TTC17: variants seen among roughly 807,000 people sequenced by gnomAD.
TTC17 encodes tetratricopeptide repeat protein 17.
A neutral mutation model predicts 143.8 loss-of-function variants in TTC17; 58 were observed. The observed-to-expected ratio is 0.40, with a 90% CI of 0.33 to 0.50. TTC17 has a LOEUF of 0.50. Among genes scored for constraint, TTC17 ranks in the 20% least tolerant of loss-of-function variants. The pLI, the probability that TTC17 is intolerant of heterozygous loss-of-function variation, is 0.49. For synonymous variants in TTC17, 501 were observed against 497.8 expected (o/e 1.01, Z -0.09); for missense variants, 1,273 against 1,392.5 (o/e 0.91, Z 1.37).
At chr11:43,425,341 T>A (rs182466977) in intron 16 of TTC17, among the ~76,000 whole-genome samples, 189 of 152,288 alleles carry the variant, frequency 1.2e-3, no homozygotes, top group African/African-American at 4.3e-3. Flanking sequence ...AATTTTTTTT[T>A]AATTATTCTA....
At position 43,405,916 on chromosome 11, in the gene TTC17, C is replaced by G; in HGVS notation, c.1726C>G (p.Leu576Val). Reference sequence around the variant, plus strand: ...CAAAGAATTAGAGGTTCGCATGGATCTGAAAGCCAAAATGCCAGATGACCA... The same window carrying G: ...CAAAGAATTAGAGGTTCGCATGGATGTGAAAGCCAAAATGCCAGATGACCA... ...LVKELEVRMD[L>V]KAKMPDDHAR... The change falls in exon 13 of 24, where the codon CTG (leucine) becomes GTG (valine). Residue 576 changes from leucine to valine, a missense_variant. By Grantham distance (32) the Leu-to-Val change is conservative. This residue lies in a region of TTC17 where 878 missense variants were observed against 899.8 expected (regional missense o/e 0.98). Coordinates refer to ENST00000039989, the MANE Select transcript of TTC17 (RefSeq NM_018259.6). 1 of 1,613,416 alleles carries G rather than the reference C, an allele frequency of 6.2e-7. No individual in the cohort carries two copies. The highest frequency in any genetic ancestry group is 8.5e-7 in the Non-Finnish European group (1 of 1,179,808).
intron 18 of TTC17, chr11:43,446,664 TCAAA>T (rs1475819517): frequency 8.1e-6 from 8 of 985,186 alleles, no homozygotes; most frequent in African/African-American, 5.2e-5. Context: ...TGCCTGTACC[TCAAA>T]CAGTTTTCTA....
chr11:43,493,103 T>C (rs1948500725), intron 23 of TTC17, among the ~76,000 whole-genome samples: 1 of 152,228 alleles, frequency 6.6e-6, no homozygotes, highest in African/African-American at 2.4e-5. Flanking sequence ...AGTTTGCTAC[T>C]ATGAACGAGG....
At chr11:43,465,847 A>G (rs1309846876) in intron 21 of TTC17, among the ~76,000 whole-genome samples, 1 of 147,978 alleles carries the variant, frequency 6.8e-6, no homozygotes, top group African/African-American at 2.7e-5. Flanking sequence ...GGAAGAAAAC[A>G]GAGGAAAAAA....
At chr11:43,371,561 G>C (rs1165922800) in intron 1 of TTC17, among the ~76,000 whole-genome samples, 1 of 152,202 alleles carries the variant, frequency 6.6e-6, no homozygotes. Flanking sequence ...TGGCTCTCCG[G>C]AATCTCCTGA....
intron 4 of TTC17, 72 bp from the exon 5 acceptor site, chr11:43,391,749 T>TA: frequency 6.4e-7 from 1 of 1,556,996 alleles, no homozygotes; most frequent in Non-Finnish European, 8.7e-7. Context: ...AAATAAACAC[T>TA]ACAAGATACT....
At chr11:43,374,186 T>C (rs1398598003) in intron 1 of TTC17, among the ~76,000 whole-genome samples, 1 of 152,172 alleles carries the variant, frequency 6.6e-6, no homozygotes, top group African/African-American at 2.4e-5. Flanking sequence ...GCACTCCCTA[T>C]TCAATAAATG....
intron 1 of TTC17, among the ~76,000 whole-genome samples, chr11:43,362,388 T>A (rs1856152806): frequency 6.6e-6 from 1 of 152,176 alleles, no homozygotes; most frequent in African/African-American, 2.4e-5. Flanking sequence ...TTTTTTATAT[T>A]TCAAGGTTTA....
chr11:43,457,519 T>C (rs1006625068), intron 21 of TTC17, among the ~76,000 whole-genome samples: 1 of 152,004 alleles, frequency 6.6e-6, no homozygotes, highest in Non-Finnish European at 1.5e-5. Context: ...AATAGAGATA[T>C]TATACTCAGT....
chr11:43,440,802 T>C (rs1947400513), intron 16 of TTC17, among the ~76,000 whole-genome samples: 1 of 152,196 alleles, frequency 6.6e-6, no homozygotes, highest in Admixed American at 6.5e-5. Flanking sequence ...TTCCCACACA[T>C]TTGTAACATC....
At chr11:43,485,374 A>G (rs1311332473) in intron 21 of TTC17, among the ~76,000 whole-genome samples, 1 of 152,244 alleles carries the variant, frequency 6.6e-6, no homozygotes, top group African/African-American at 2.4e-5. Context: ...TAAGGGCTCA[A>G]GTATCAAAAA....
At chr11:43,386,421 A>G (rs914039751) in intron 2 of TTC17, among the ~76,000 whole-genome samples, 10 of 152,244 alleles carry the variant, frequency 6.6e-5, no homozygotes, top group African/African-American at 2.4e-5. Flanking sequence ...AAGTATTTGT[A>G]TAACTAAGCA....
At chr11:43,386,768 C>CGTAT (rs545667345) in intron 2 of TTC17, among the ~76,000 whole-genome samples, 57 of 150,390 alleles carry the variant, frequency 3.8e-4, no homozygotes, top group South Asian at 3.6e-3. Context: ...TAATTTCTTA[C>CGTAT]GTATGTATGT....
In TTC17 at chr11:43,444,086, C is replaced by T. The variant is rs1268134108; in HGVS notation, c.2542C>T (p.Pro848Ser). The T allele has an allele frequency of 1.9e-6, 3 of 1,612,706 alleles. No individual in the cohort carries two copies. Among genetic ancestry groups the T allele is most frequent in the Non-Finnish European group, 2.5e-6 (3 of 1,179,534 alleles). The change falls in exon 18 of 24, where the codon CCC (proline) becomes TCC (serine). Residue 848 changes from proline (P) to serine (S), a missense_variant. Pro to Ser is a moderately conservative substitution (Grantham distance 74). Around this residue, in one of 3 missense-constraint regions of TTC17, gnomAD observed 878 missense variants for 899.8 expected, o/e 0.98. Transcript: ENST00000039989. ...ATTCCAGGTCAAACGTGTAAAGAAA[C>T]CCAAAGGAGATCATAAGAAAACTCC... ...ITFQVKRVKK[P>S]KGDHKKTPGK... is the part of the protein sequence containing the mutation.
At chr11:43,482,286 G>GC (rs1391624200) in intron 21 of TTC17, among the ~76,000 whole-genome samples, 1 of 150,114 alleles carries the variant, frequency 6.7e-6, no homozygotes, top group East Asian at 1.9e-4. Context: ...TTTAATATAA[G>GC]CTTGTATTAT....
At chr11:43,413,031 TGGG>T (rs984050100) in intron 15 of TTC17, among the ~76,000 whole-genome samples, 1 of 130,166 alleles carries the variant, frequency 7.7e-6, no homozygotes, top group Non-Finnish European at 1.6e-5. Flanking sequence ...CACACACAAA[TGGG>T]GGCAGGGTGA....
At chr11:43,396,923 T>C (rs1316405437) in intron 6 of TTC17, 105 bp downstream of exon 6, 4 of 532,826 alleles carry the variant, frequency 7.5e-6, no homozygotes, top group Non-Finnish European at 1.2e-5. Flanking sequence ...TATATACTTT[T>C]CTCCATCCCT....
chr11:43,442,763 T>C (rs562502886), intron 16 of TTC17, among the ~76,000 whole-genome samples: 2 of 152,304 alleles, frequency 1.3e-5, no homozygotes, highest in South Asian at 2.1e-4. Flanking sequence ...AATAATATCT[T>C]GGTAATCATT....
At chr11:43,419,653 A>T (rs1590389884) in intron 16 of TTC17, among the ~76,000 whole-genome samples, 1 of 152,200 alleles carries the variant, frequency 6.6e-6, no homozygotes, top group South Asian at 2.1e-4. Flanking sequence ...TCTGCTTTTT[A>T]AAAAAAGATA....
Sources: allele counts gnomAD v4.1 joint callset (sites outside exome capture counted in the v4.1 genomes callset), GRCh38; gene constraint gnomAD v4.1.1; regional missense constraint gnomAD v4.1.1; transcripts MANE v1.5; gene names NCBI Gene and HGNC (gene_info 2026-07-23, HGNC 2026-07-21).